KIAA0513: variants seen among roughly 807,000 people sequenced by gnomAD.
KIAA0513 encodes the protein KIAA0513.
In KIAA0513, 39 loss-of-function variants were observed where a neutral mutation model predicts 56.5. The ratio of observed to expected loss-of-function variants is 0.69; its 90% CI spans 0.53 to 0.90. KIAA0513 has a LOEUF of 0.90. KIAA0513 is among the 40% of genes least tolerant of loss of function. KIAA0513 has a pLI of 0.00. For missense variants in KIAA0513, 591 were observed against 535.2 expected, an observed-to-expected ratio of 1.10 and a Z score of -1.03; for synonymous variants, 268 against 215.6, an observed-to-expected ratio of 1.24 and a Z score of -2.13.
rs759910892 is a variant in KIAA0513, at chr16:85,086,680, C to A, written c.1047C>A (p.Asp349Glu). 2 of 1,613,880 alleles carry A rather than the reference C, an allele frequency of 1.2e-6. No homozygotes were observed. Among genetic ancestry groups the A allele is most frequent in the East Asian group, 4.5e-5 (2 of 44,860 alleles). Residue 349 changes from aspartate to glutamate, a missense_variant, in exon 11 of 13, where the codon GAC becomes GAA. Transcript: ENST00000683363. ...GCCACATGACCCAGGAGGAGCGCGA[C>A]GACAGCCTCCGGTTCAACGAGAACA... is the stretch of plus-strand genomic sequence containing the variant. ...KWCHMTQEER[D>E]DSLRFNENIT... is the part of the protein sequence containing the mutation.
intron 10 of KIAA0513, among the ~76,000 whole-genome samples, chr16:85,083,397 A>C (rs3794682): frequency 1.3e-5 from 2 of 152,008 alleles, no homozygotes; most frequent in Admixed American, 1.3e-4. Flanking sequence ...GTTTATTGTC[A>C]TGAGCAATCG....
At chr16:85,052,493 A>G (rs1482387087) in intron 1 of KIAA0513, among the ~76,000 whole-genome samples, 1 of 152,228 alleles carries the variant, frequency 6.6e-6, no homozygotes, top group African/African-American at 2.4e-5. Context: ...CAGCCTGGGC[A>G]ACAAGAGCAA....
At position 85,088,662 on chromosome 16, in the gene KIAA0513, G is replaced by T; in HGVS notation, c.*337G>T. ...CATCGTGGGCCAAGGGCTGGCGAGG[G>T]TGGGGGCGGGCAAGGGATGCAGGCA... On this transcript the variant is annotated 3_prime_UTR_variant, in exon 13 of 13. Coordinates refer to ENST00000683363, the MANE Select transcript of KIAA0513 (RefSeq NM_001388359.1). 3.5e-6 allele frequency: 1 copy of T among 284,182 alleles called. No individual in the cohort carries two copies. Among genetic ancestry groups the T allele is most frequent in the Non-Finnish European group, 6.7e-6 (1 of 150,306 alleles). The allele number at this position is 284,182 out of a possible 1,614,324, so 17.6% of individuals were successfully genotyped here.
chr16:85,077,078 C>G (rs1166027136), intron 5 of KIAA0513, among the ~76,000 whole-genome samples: 1 of 152,226 alleles, frequency 6.6e-6, no homozygotes, highest in Admixed American at 6.5e-5. Context: ...TGGTGCCCAG[C>G]TGGCTTCTGC....
chr16:85,080,968 G>A (rs1176194120), intron 8 of KIAA0513, among the ~76,000 whole-genome samples: 1 of 152,124 alleles, frequency 6.6e-6, no homozygotes, highest in Admixed American at 6.5e-5. Flanking sequence ...GTCCCAACGG[G>A]AAAGGCAGAA....
chr16:85,079,277 AC>A, intron 8 of KIAA0513: 1 of 523,434 alleles, frequency 1.9e-6, no homozygotes, highest in Non-Finnish European at 3.2e-6. Context: ...TTACTCTGTG[AC>A]CCAGCAGCTC....
chr16:85,064,668 C>G (rs2073453020), intron 1 of KIAA0513, among the ~76,000 whole-genome samples: 1 of 152,150 alleles, frequency 6.6e-6, no homozygotes, highest in Non-Finnish European at 1.5e-5. Context: ...GAAGAATTGT[C>G]TACGCCTTTA....
intron 1 of KIAA0513, among the ~76,000 whole-genome samples, chr16:85,048,347 A>G (rs8051308): frequency 0.23 from 34,569 of 152,212 alleles, 4,124 homozygotes; most frequent in African/African-American, 0.27. Context: ...CGATGGAGAC[A>G]TGGAAAGGGG....
At chr16:85,080,086 G>A (rs1031532911) in intron 8 of KIAA0513, among the ~76,000 whole-genome samples, 2 of 152,178 alleles carry the variant, frequency 1.3e-5, no homozygotes, top group African/African-American at 4.8e-5. Flanking sequence ...GCCAGGGAGC[G>A]CTGCCGGGAC....
chr16:85,081,120 G>A lies in KIAA0513; in HGVS notation c.903-195G>A, dbSNP rs929846162. Among the ~76,000 whole-genome samples, 1 of 152,224 alleles carries A rather than the reference G, an allele frequency of 6.6e-6. No individual in the cohort carries two copies. The highest frequency in any genetic ancestry group is 2.4e-5 in the African/African-American group (1 of 41,466). Reference sequence around the variant, plus strand: ...CTCTCCTAAGAGATACGCAGCCGCTGGGAGCCCCAGGGAAACAGCTGTAAT... The same window carrying A: ...CTCTCCTAAGAGATACGCAGCCGCTAGGAGCCCCAGGGAAACAGCTGTAAT... On this transcript the variant is annotated intron_variant, in intron 8 of 12. Coordinates refer to ENST00000683363, the MANE Select transcript of KIAA0513 (RefSeq NM_001388359.1). This position sits in a 1 kb window ranked among gnomAD's most constrained non-coding sequence, Gnocchi z 4.4.
At chr16:85,037,060 TAGA>T (rs1407496985) in intron 1 of KIAA0513, among the ~76,000 whole-genome samples, 3 of 152,092 alleles carry the variant, frequency 2.0e-5, no homozygotes, top group Non-Finnish European at 4.4e-5. Context: ...GATGGTAAAT[TAGA>T]AGAAGGAAAG....
intron 5 of KIAA0513, 27 bp downstream of exon 5, chr16:85,075,941 G>T (rs539086435): frequency 6.5e-7 from 1 of 1,540,956 alleles, no homozygotes; most frequent in East Asian, 2.2e-5. Flanking sequence ...CTGATGTGGG[G>T]CTCACCTGAG....
At chr16:85,052,716 A>G (rs574540491) in intron 1 of KIAA0513, among the ~76,000 whole-genome samples, 8 of 152,224 alleles carry the variant, frequency 5.3e-5, no homozygotes, top group Admixed American at 1.3e-4. Context: ...AGCAGAGTGA[A>G]TGGCATCATC....
At chr16:85,057,387 C>T (rs867912724) in intron 1 of KIAA0513, among the ~76,000 whole-genome samples, 1 of 152,198 alleles carries the variant, frequency 6.6e-6, no homozygotes, top group Non-Finnish European at 1.5e-5. Context: ...GTGTACAGGG[C>T]GACGGGAGGA....
rs760390241 is a variant in KIAA0513 at position 85,078,353 on chromosome 16, C to G, written c.783-62C>G. On this transcript the variant is annotated intron_variant, in intron 6 of 12. Coordinates refer to ENST00000683363, the MANE Select transcript of KIAA0513 (RefSeq NM_001388359.1). ...CCACCTTAGAAGTGTAGAACAGCGT[C>G]TTTGAGTTGAGAAAGTGTGGTGTGA... 10 of 1,586,420 alleles carry G rather than the reference C, an allele frequency of 6.3e-6. No individual in the cohort carries two copies. In the African/African-American group the frequency reaches 1.2e-4, roughly 19 times the overall value.
rs1342520439 is a variant in KIAA0513 at position 85,067,017 on chromosome 16, C to T, written c.-55C>T. 2 of 1,456,308 alleles carry T rather than the reference C, an allele frequency of 1.4e-6. No homozygotes were observed. The highest frequency in any genetic ancestry group is 2.3e-5 in the East Asian group (1 of 43,158). The allele number at this position is 1,456,308 out of a possible 1,614,324, so 90.2% of individuals were successfully genotyped here. On this transcript the variant is annotated 5_prime_UTR_variant, in exon 2 of 13. Coordinates refer to ENST00000683363, the MANE Select transcript of KIAA0513 (RefSeq NM_001388359.1). ...GCACCTGGGACACCAGGCTGCTGGG[C>T]TCCCCTCTAGGCAGCCTCCCCTCCA...
intron 1 of KIAA0513, among the ~76,000 whole-genome samples, chr16:85,066,184 C>T (rs1035633552): frequency 6.6e-6 from 1 of 152,134 alleles, no homozygotes; most frequent in African/African-American, 2.4e-5. Context: ...TGGAGCTTCT[C>T]AGAAGACGTG....
chr16:85,083,404 A>T (rs573091557), intron 10 of KIAA0513, among the ~76,000 whole-genome samples: 29 of 152,156 alleles, frequency 1.9e-4, no homozygotes, highest in Non-Finnish European at 5.9e-5. Flanking sequence ...GTCATGAGCA[A>T]TCGTGTTTCT....
chr16:85,031,682 C>T (rs1355379720), intron 1 of KIAA0513, among the ~76,000 whole-genome samples: 1 of 152,172 alleles, frequency 6.6e-6, no homozygotes, highest in Admixed American at 6.5e-5. Flanking sequence ...TGCCTCAGGA[C>T]CTTTGCCTGG....
Sources: gnomAD v4.1 joint callset for allele counts (sites outside exome capture counted in the v4.1 genomes callset) on GRCh38, gnomAD v4.1.1 for gene constraint, Gnocchi (gnomAD v3.1) non-coding constraint, MANE v1.5 for transcripts, NCBI Gene and HGNC (gene_info 2026-07-23, HGNC 2026-07-21) for gene names.